The following TSPAN15 variants were observed in gnomAD, a reference collection of about 807,000 sequenced individuals.
TSPAN15 encodes tetraspanin 15.
In TSPAN15, 20 loss-of-function variants were observed where a neutral mutation model predicts 34.5. That is an observed-to-expected ratio of 0.58 (90% CI 0.41 to 0.84). The LOEUF is 0.84. Ranked by LOEUF, TSPAN15 falls within the 40% of genes least tolerant of loss-of-function variation. The pLI is 0.00. For missense variants in TSPAN15, 313 were observed against 386.1 expected (o/e 0.81, Z 1.59); for synonymous variants, 155 against 153.9 (o/e 1.01, Z -0.05).
In TSPAN15 at chr10:69,490,922, C is replaced by T. The variant is rs182646355; in HGVS notation, c.358-4672C>T. 4.3e-3 allele frequency among the ~76,000 whole-genome samples: 659 copies of T among 152,322 alleles called. 18 individuals are homozygous for T. The South Asian group carries it at 0.066, about 15-fold the overall frequency. ...TACGGAACCCGTGGATGTGGAGGGCCGGCTGTGTATCCTTCCCACTTACAG... is the reference window on the plus strand; with the variant it reads ...TACGGAACCCGTGGATGTGGAGGGCTGGCTGTGTATCCTTCCCACTTACAG... On this transcript the variant is annotated intron_variant, in intron 3 of 7. Transcript: ENST00000373290.
At chr10:69,508,868 GT>G (rs1842386231), downstream of TSPAN15, among the ~76,000 whole-genome samples, 1 of 152,194 alleles carries the variant, frequency 6.6e-6, no homozygotes. Context: ...GTTGCCTCCT[GT>G]GCACACATGG....
At chr10:69,512,838 T>C in the TSPAN15 span, among the ~76,000 whole-genome samples, 1 of 152,266 alleles carries the variant, frequency 6.6e-6, no homozygotes, top group Admixed American at 6.5e-5. Context: ...ATTCACCTAC[T>C]GATGGACGTT....
chr10:69,506,738 C>T lies in TSPAN15; in HGVS notation c.736-91C>T. 7.4e-7 allele frequency: 1 copy of T among 1,345,002 alleles called. No individual in the cohort carries two copies. Among genetic ancestry groups the T allele is most frequent in the South Asian group, 1.3e-5 (1 of 76,778 alleles). 83.3% of individuals were successfully genotyped at this position (1,345,002 alleles called of 1,614,324 possible). On this transcript the variant is annotated intron_variant, in intron 7 of 7. Coordinates refer to ENST00000373290, the MANE Select transcript of TSPAN15 (RefSeq NM_012339.5). The surrounding 1 kb of genome is among the most constrained non-coding windows in gnomAD (Gnocchi z 4.7). ...CACACAGGACCATGAGGGCTTGGGACTGGCTGCTTGGGTTTCTGGGAGCCG... is the reference window on the plus strand; with the variant it reads ...CACACAGGACCATGAGGGCTTGGGATTGGCTGCTTGGGTTTCTGGGAGCCG...
chr10:69,521,168 C>T, the TSPAN15 span, among the ~76,000 whole-genome samples: 8 of 152,152 alleles, frequency 5.3e-5, no homozygotes, highest in African/African-American at 1.9e-4. Context: ...TCTCCTTCCC[C>T]AGCGTGGGCA....
At chr10:69,539,536 A>AAGAAGAAGAAGAAGAAGGAGG in the TSPAN15 span, among the ~76,000 whole-genome samples, 25 of 71,544 alleles carry the variant, frequency 3.5e-4, no homozygotes, top group Non-Finnish European at 6.3e-4. Context: ...GAAGAAGAAG[A>AAGAAGAAGAAGAAGAAGGAGG]AGGAGAAGGA....
At chr10:69,486,871 G>T (rs1361051091) in intron 3 of TSPAN15, among the ~76,000 whole-genome samples, 3 of 152,232 alleles carry the variant, frequency 2.0e-5, no homozygotes, top group Admixed American at 1.3e-4. Flanking sequence ...TATTCCATTT[G>T]CCCATGAGGC....
rs1437281511 is a variant in TSPAN15, at chr10:69,451,527, G to T, written c.-68G>T. The T allele has an allele frequency of 2.3e-6, 3 of 1,293,214 alleles. No homozygotes were observed. The highest frequency in any genetic ancestry group is 4.6e-5 in the South Asian group (2 of 43,476). 80.1% of individuals were successfully genotyped at this position (1,293,214 alleles called of 1,614,324 possible). A position where few individuals can be genotyped will look rare whatever the true frequency, so the allele number is the denominator to read the frequency against. On this transcript the variant is annotated 5_prime_UTR_variant, in exon 1 of 8. Transcript: ENST00000373290. ...GCCCGGCAGCCGCAGGTGGGGCCAC[G>T]AGCGCTGGCTGAGGGACCGAGCCGG...
chr10:69,539,375 TAGA>T, the TSPAN15 span, among the ~76,000 whole-genome samples: 1 of 74,634 alleles, frequency 1.3e-5, no homozygotes, highest in African/African-American at 5.3e-5. Context: ...ACAAAAAAAA[TAGA>T]AGAAGAAGAG....
intron 4 of TSPAN15, 110 bp from the exon 5 acceptor site, chr10:69,498,170 G>A (rs941718094): frequency 1.6e-5 from 15 of 920,026 alleles, no homozygotes; most frequent in Non-Finnish European, 2.5e-5. Context: ...CCCTGCCCCA[G>A]GGTGACCCAC....
chr10:69,456,453 T>C (rs1219735186), intron 1 of TSPAN15, among the ~76,000 whole-genome samples: 1 of 152,182 alleles, frequency 6.6e-6, no homozygotes, highest in African/African-American at 2.4e-5. Context: ...ATATTTTTTA[T>C]TTTCCAGGCA....
the TSPAN15 span, among the ~76,000 whole-genome samples, chr10:69,533,519 G>C: frequency 2.6e-5 from 4 of 152,288 alleles, no homozygotes; most frequent in South Asian, 8.3e-4. Flanking sequence ...TTGCGGGGAA[G>C]GGGGAGAGTG....
chr10:69,469,114 T>C (rs1841453477), intron 1 of TSPAN15, among the ~76,000 whole-genome samples: 2 of 132,324 alleles, frequency 1.5e-5, no homozygotes, highest in South Asian at 4.2e-4. Context: ...ATGTAAAACT[T>C]TTTTTTTTTT....
At chr10:69,453,041 C>T (rs927385936) in intron 1 of TSPAN15, among the ~76,000 whole-genome samples, 8 of 152,200 alleles carry the variant, frequency 5.3e-5, no homozygotes, top group Non-Finnish European at 4.4e-5. Flanking sequence ...TTTTGGGCCT[C>T]AGAACTGTTC....
chr10:69,470,608 T>C (rs1841484237), intron 1 of TSPAN15, among the ~76,000 whole-genome samples: 1 of 152,106 alleles, frequency 6.6e-6, no homozygotes, highest in Non-Finnish European at 1.5e-5. Context: ...GCAACTCTTT[T>C]AAAGATCACA....
chr10:69,491,766 T>C (rs1477617215), intron 3 of TSPAN15, among the ~76,000 whole-genome samples: 2 of 152,156 alleles, frequency 1.3e-5, no homozygotes, highest in East Asian at 3.9e-4. Context: ...AGAGGCAGCC[T>C]GAGGGAGCCC....
chr10:69,501,977 AC>A (rs919423926), intron 5 of TSPAN15, among the ~76,000 whole-genome samples: 2 of 93,790 alleles, frequency 2.1e-5, no homozygotes, highest in South Asian at 3.8e-4. Flanking sequence ...ATCACCCCCC[AC>A]CCCCCCGCAC....
Position 69,491,849 on chromosome 10 carries a change from G to A in TSPAN15, c.358-3745G>A, listed in dbSNP as rs188924891. 9.2e-5 allele frequency among the ~76,000 whole-genome samples: 14 copies of A among 152,296 alleles called. No homozygotes were observed. In the East Asian group the frequency reaches 1.7e-3, roughly 19 times the overall value. On this transcript the variant is annotated intron_variant, in intron 3 of 7. Transcript: ENST00000373290. ...GGCCTGGTAGGAAGCTTTAGCGGCC[G>A]CCCCTTCCACTCCTTTTCCTACCCC...
chr10:69,462,466 C>A (rs969645507), intron 1 of TSPAN15, among the ~76,000 whole-genome samples: 6 of 152,148 alleles, frequency 3.9e-5, no homozygotes, highest in Non-Finnish European at 8.8e-5. Context: ...TCCTGAGTAG[C>A]TTGGGACTAT....
the TSPAN15 span, chr10:69,523,475 G>A: frequency 1.1e-5 from 6 of 537,934 alleles, no homozygotes; most frequent in African/African-American, 7.8e-5. Context: ...CTGCAAGAGG[G>A]CACCCCTAAC....
Sources: allele counts gnomAD v4.1 joint callset (sites outside exome capture counted in the v4.1 genomes callset), GRCh38; gene constraint gnomAD v4.1.1; non-coding constraint Gnocchi (gnomAD v3.1); transcripts MANE v1.5; gene names NCBI Gene and HGNC (gene_info 2026-07-23, HGNC 2026-07-21).